Variants in ZNF423 observed in about 807,000 individuals in gnomAD.
ZNF423 encodes zinc finger protein 423.
A neutral mutation model predicts 95.8 loss-of-function variants in ZNF423; 12 were observed. The observed-to-expected ratio is 0.13, with a 90% CI of 0.08 to 0.20. ZNF423 has a LOEUF of 0.20. Among genes scored for constraint, ZNF423 ranks in the 10% least tolerant of loss-of-function variants. The probability of loss-of-function intolerance (pLI) is 1.00; values close to 1 mark genes in which losing one functional copy is unlikely to be tolerated. For synonymous variants in ZNF423, 749 were observed against 711.9 expected, an observed-to-expected ratio of 1.05 and a Z score of -0.83; for missense variants, 1,316 against 1,737.1, an observed-to-expected ratio of 0.76 and a Z score of 4.31.
intron 3 of ZNF423, among the ~76,000 whole-genome samples, chr16:49,684,351 T>G (rs1336817966): frequency 6.6e-6 from 1 of 152,224 alleles, no homozygotes; most frequent in East Asian, 1.9e-4. Context: ...TATAGCCACA[T>G]GGCCAGATTA....
chr16:49,626,292 G>A (rs1182791170), intron 4 of ZNF423, 38 bp from the exon 5 acceptor site: 11 of 1,605,258 alleles, frequency 6.9e-6, no homozygotes, highest in Non-Finnish European at 8.5e-6. Context: ...TAGAGAGGCA[G>A]GAGGTAGGAA....
chr16:49,716,517 T>G (rs1297575858), intron 3 of ZNF423, among the ~76,000 whole-genome samples: 1 of 152,178 alleles, frequency 6.6e-6, no homozygotes, highest in Non-Finnish European at 1.5e-5. Context: ...GCCAGTCAAC[T>G]CCAAAATAAA....
chr16:49,615,114 A>G (rs1342616268), intron 5 of ZNF423, among the ~76,000 whole-genome samples: 1 of 143,076 alleles, frequency 7.0e-6, no homozygotes, highest in Non-Finnish European at 1.5e-5. Context: ...CTGGGCAACA[A>G]GAAAGAAACT....
At chr16:49,765,335 G>A (rs2033910637) in intron 2 of ZNF423, among the ~76,000 whole-genome samples, 1 of 152,142 alleles carries the variant, frequency 6.6e-6, no homozygotes. Context: ...GCACTGAAAG[G>A]TGAATGTACT....
intron 2 of ZNF423, among the ~76,000 whole-genome samples, chr16:49,787,330 A>G (rs2034331423): frequency 6.6e-6 from 1 of 152,212 alleles, no homozygotes; most frequent in Non-Finnish European, 1.5e-5. Context: ...AAATGAGCCA[A>G]AGAAAACAAA....
chr16:49,733,965 A>G (rs550894227), intron 2 of ZNF423, among the ~76,000 whole-genome samples: 1 of 152,364 alleles, frequency 6.6e-6, no homozygotes, highest in South Asian at 2.1e-4. Context: ...GAGAAAACTG[A>G]GCCTCTGCAA....
chr16:49,850,633 A>C (rs1291185790), intron 1 of ZNF423, among the ~76,000 whole-genome samples: 2 of 152,142 alleles, frequency 1.3e-5, no homozygotes, highest in Admixed American at 1.3e-4. Context: ...GTCCATCCTA[A>C]CCTATGTCAA....
intron 3 of ZNF423, chr16:49,711,624 A>G (rs1000385172): frequency 6.6e-6 from 1 of 152,244 alleles, no homozygotes; most frequent in Non-Finnish European, 1.5e-5. Context: ...CAATTAAACC[A>G]TGACAAGCCA....
Position 49,777,918 on chromosome 16 carries a change from C to T in ZNF423, c.100+11569G>A, listed in dbSNP as rs368304007. On this transcript the variant is annotated intron_variant, in intron 2 of 7. Transcript: ENST00000563137. ...ACAGTGATAATTGCTGAGGATACGA[C>T]AGGAAGCAAACAGGCACTGTCCCTG... Among the ~76,000 whole-genome samples the T allele has an allele frequency of 5.0e-4, 76 of 152,330 alleles. 1 individual carries two copies. The East Asian group carries it at 0.012, about 24-fold the overall frequency.
chr16:49,759,595 G>C (rs1327544059), intron 2 of ZNF423, among the ~76,000 whole-genome samples: 1 of 152,204 alleles, frequency 6.6e-6, no homozygotes, highest in East Asian at 1.9e-4. Flanking sequence ...TCTCAGCCAG[G>C]AGTGCGCTTT....
rs560906408 is a variant in ZNF423, at chr16:49,584,002, A to G, written c.3601+42168T>C. Among the ~76,000 whole-genome samples, 18 of 152,366 alleles carry G rather than the reference A, an allele frequency of 1.2e-4. No homozygotes were observed. The East Asian group carries it at 3.5e-3, about 29-fold the overall frequency. On this transcript the variant is annotated intron_variant, in intron 5 of 7. Coordinates refer to ENST00000563137, the MANE Select transcript of ZNF423 (RefSeq NM_001379286.1). Reference sequence around the variant, plus strand: ...CTGAGCAGATACCAGCCAGGCCTAGAAGATGCTAGAATAAGCTCTGATAAC... The same window carrying G: ...CTGAGCAGATACCAGCCAGGCCTAGGAGATGCTAGAATAAGCTCTGATAAC...
At chr16:49,666,110 A>G (rs1438814979) in intron 3 of ZNF423, among the ~76,000 whole-genome samples, 3 of 152,180 alleles carry the variant, frequency 2.0e-5, no homozygotes, top group Non-Finnish European at 4.4e-5. Context: ...AGCTGGGGAG[A>G]CGGAATGCGG....
chr16:49,588,846 C>T (rs1482783198), intron 5 of ZNF423, among the ~76,000 whole-genome samples: 4 of 152,374 alleles, frequency 2.6e-5, no homozygotes, highest in Non-Finnish European at 4.4e-5. Flanking sequence ...CATGGCCAAA[C>T]AAGCACCTAT....
At chr16:49,770,472 G>A (rs1222436225) in intron 2 of ZNF423, among the ~76,000 whole-genome samples, 2 of 152,184 alleles carry the variant, frequency 1.3e-5, no homozygotes, top group Admixed American at 6.5e-5. Flanking sequence ...CTCCACGGTG[G>A]GAAGGAGACG....
intron 5 of ZNF423, among the ~76,000 whole-genome samples, chr16:49,571,950 T>A (rs1970367940): frequency 6.6e-6 from 1 of 152,246 alleles, no homozygotes; most frequent in East Asian, 1.9e-4. Flanking sequence ...AATATTTTCA[T>A]TCATTCTTCC....
chr16:49,654,409 A>T (rs1973530384), intron 3 of ZNF423, among the ~76,000 whole-genome samples: 1 of 152,196 alleles, frequency 6.6e-6, no homozygotes, highest in Non-Finnish European at 1.5e-5. Flanking sequence ...TGGCAGTCCA[A>T]TACGTCCTGG....
At position 49,637,676 on chromosome 16, in the gene ZNF423, G is replaced by A. The variant is rs748342154; in HGVS notation, c.1500C>T (p.Ile500=). ...CGCGGATGTGCTCCTGCAGGCTATTGATGTCGGCGAACATCTCGGGGCAGT... is the reference window on the plus strand; with the variant it reads ...CGCGGATGTGCTCCTGCAGGCTATTAATGTCGGCGAACATCTCGGGGCAGT... ...CNYCPEMFAD[I]NSLQEHIRVS... The change falls in exon 4 of 8, where the codon ATC becomes ATT. Residue 500 remains isoleucine (I), a synonymous_variant. Transcript: ENST00000563137. The surrounding 1 kb of genome is among the most constrained non-coding windows in gnomAD (Gnocchi z 5.6). The A allele has an allele frequency of 4.3e-6, 7 of 1,614,042 alleles. No homozygotes were observed. The Admixed American group carries it at 1.2e-4, about 27-fold the overall frequency.
intron 1 of ZNF423, among the ~76,000 whole-genome samples, chr16:49,807,537 G>T (rs1369510930): frequency 1.3e-5 from 2 of 152,334 alleles, no homozygotes; most frequent in African/African-American, 4.8e-5. Flanking sequence ...CCCGGGGTAG[G>T]GGCAAGCACA....
At position 49,636,802 on chromosome 16, in the gene ZNF423, T is replaced by G. The variant is rs754685969; in HGVS notation, c.2374A>C (p.Ile792Leu). Residue 792 changes from isoleucine (I) to leucine (L), a missense_variant, in exon 4 of 8, where the codon ATC becomes CTC. Around this residue, in one of 6 missense-constraint regions of ZNF423, gnomAD observed 620 missense variants for 775.6 expected, o/e 0.80. Coordinates refer to ENST00000563137, the MANE Select transcript of ZNF423 (RefSeq NM_001379286.1). The surrounding 1 kb of genome is among the most constrained non-coding windows in gnomAD (Gnocchi z 8.6). Reference protein sequence around the residue: ...LGNPAKAHKCIFCGETFSTEV... With the variant: ...LGNPAKAHKCLFCGETFSTEV... ...GTGCTGAAGGTCTCCCCACAGAAGA[T>G]GCACTTGTGAGCCTTGGCCGGGTTG... The G allele has an allele frequency of 1.2e-6, 2 of 1,614,138 alleles. No individual in the cohort carries two copies. Among genetic ancestry groups the G allele is most frequent in the Admixed American group, 1.7e-5 (1 of 60,034 alleles).
Sources: gnomAD v4.1 joint callset for allele counts (sites outside exome capture counted in the v4.1 genomes callset) on GRCh38, gnomAD v4.1.1 for gene constraint, gnomAD v4.1.1 regional missense constraint, Gnocchi (gnomAD v3.1) non-coding constraint, MANE v1.5 for transcripts, NCBI Gene and HGNC (gene_info 2026-07-23, HGNC 2026-07-21) for gene names.